Variants in NRXN1 observed in about 807,000 individuals in gnomAD.
The protein encoded by NRXN1 is neurexin 1, also known as neurexin-1.
In NRXN1, 39 loss-of-function variants were observed where a neutral mutation model predicts 150.9. That is an observed-to-expected ratio of 0.26 (90% CI 0.20 to 0.34). The LOEUF is 0.34. NRXN1 is among the 10% of genes least tolerant of loss of function. NRXN1 has a pLI of 1.00. For missense variants in NRXN1, 1,815 were observed against 1,949.9 expected (o/e 0.93, Z 1.30); for synonymous variants, 924 against 757.0 (o/e 1.22, Z -3.62).
At position 50,023,290 on chromosome 2, in the gene NRXN1, C is replaced by A. The variant is rs188399890; in HGVS notation, c.4128+29981G>T. ...TTAAGAATTATTATATCTGAAACTC[C>A]TTTAACCTCCATCACTTCTCTTTTT... On this transcript the variant is annotated intron_variant, in intron 21 of 22. Transcript: ENST00000401669. 310 of 152,268 alleles carry A rather than the reference C, an allele frequency of 2.0e-3. 3 individuals are homozygous for A. Among genetic ancestry groups the A allele is most frequent in the African/African-American group, 7.2e-3 (300 of 41,556 alleles). 9.4% of individuals were successfully genotyped at this position (152,268 alleles called of 1,614,324 possible). A position where few individuals can be genotyped will look rare whatever the true frequency, so the allele number is the denominator to read the frequency against.
At position 50,372,980 on chromosome 2, in the gene NRXN1, T is replaced by A. The variant is rs1355043115; in HGVS notation, c.3364+92462A>T. Reference sequence around the variant, plus strand: ...TTTTAGTCTCCAAGAACCCCTCTTTTTAATGACATCCATTAGCACTCCACA... The same window carrying A: ...TTTTAGTCTCCAAGAACCCCTCTTTATAATGACATCCATTAGCACTCCACA... On this transcript the variant is annotated intron_variant, in intron 17 of 22. Coordinates refer to ENST00000401669, the MANE Select transcript of NRXN1 (RefSeq NM_001330078.2). Among the ~76,000 whole-genome samples the A allele has an allele frequency of 2.0e-5, 3 of 152,086 alleles. No homozygotes were observed. The East Asian group carries it at 5.8e-4, about 29-fold the overall frequency.
chr2:50,538,446 A>G lies in NRXN1; in HGVS notation c.1950T>C (p.Asp650=), dbSNP rs1371366756. The part of the protein sequence containing the change: ...YVGCIRDLFI[D]GQSKDIRQMA... ...TTTGCCGGATATCTTTGCTTTGGCC[A>G]TCGATGAACAAATCCCTGATGCAGC... Residue 650 remains aspartate, a synonymous_variant, in exon 10 of 23, where the codon GAT becomes GAC. Coordinates refer to ENST00000401669, the MANE Select transcript of NRXN1 (RefSeq NM_001330078.2). 2 of 1,613,920 alleles carry G rather than the reference A, an allele frequency of 1.2e-6. No individual in the cohort carries two copies. The highest frequency in any genetic ancestry group is 1.7e-6 in the Non-Finnish European group (2 of 1,179,860).
intron 21 of NRXN1, among the ~76,000 whole-genome samples, chr2:49,998,791 A>G (rs982001937): frequency 6.6e-6 from 1 of 152,052 alleles, no homozygotes; most frequent in Non-Finnish European, 1.5e-5. Context: ...TACACGAAGT[A>G]GTGTAGGTGC....
intron 18 of NRXN1, among the ~76,000 whole-genome samples, chr2:50,117,666 T>C (rs779989070): frequency 8.5e-5 from 13 of 152,092 alleles, no homozygotes; most frequent in African/African-American, 2.4e-4. Flanking sequence ...CTTTAGATAG[T>C]ATTTTAAGCA....
At chr2:50,425,984 G>A (rs1431502330) in intron 17 of NRXN1, among the ~76,000 whole-genome samples, 2 of 152,180 alleles carry the variant, frequency 1.3e-5, no homozygotes, top group East Asian at 1.9e-4. Flanking sequence ...ACCTCTGTGT[G>A]CATCTATCAG....
intron 17 of NRXN1, among the ~76,000 whole-genome samples, chr2:50,422,322 A>G (rs923338834): frequency 3.3e-5 from 5 of 152,194 alleles, no homozygotes; most frequent in Non-Finnish European, 7.3e-5. Flanking sequence ...TATAGCCTAG[A>G]GTAAAAACAA....
At chr2:50,308,758 T>C (rs1461517580) in intron 17 of NRXN1, among the ~76,000 whole-genome samples, 1 of 152,180 alleles carries the variant, frequency 6.6e-6, no homozygotes, top group Non-Finnish European at 1.5e-5. Flanking sequence ...AGACATTCAT[T>C]TTCATTGACA....
intron 21 of NRXN1, among the ~76,000 whole-genome samples, chr2:49,971,552 G>C (rs1677965038): frequency 6.6e-6 from 1 of 152,058 alleles, no homozygotes; most frequent in Admixed American, 6.6e-5. Context: ...ATTGTGCAAA[G>C]TCAATGAAAA....
chr2:50,570,442 C>G (rs992968660), intron 8 of NRXN1, among the ~76,000 whole-genome samples: 2 of 152,098 alleles, frequency 1.3e-5, no homozygotes, highest in African/African-American at 4.8e-5. Flanking sequence ...TATCGTAAAT[C>G]CAATAATCTG....
At chr2:50,739,213 A>G (rs996873201) in intron 5 of NRXN1, 1 of 489,312 alleles carries the variant, frequency 2.0e-6, no homozygotes, top group African/African-American at 2.0e-5. Context: ...TACAGTAGAA[A>G]TCGACCAAGG....
intron 17 of NRXN1, among the ~76,000 whole-genome samples, chr2:50,446,097 C>T (rs1280770528): frequency 6.6e-6 from 1 of 150,486 alleles, no homozygotes; most frequent in African/African-American, 2.4e-5. Context: ...CACTAAAGCA[C>T]ATAAGGTAAC....
intron 17 of NRXN1, among the ~76,000 whole-genome samples, chr2:50,277,670 T>C (rs2070741250): frequency 6.6e-6 from 1 of 152,074 alleles, no homozygotes. Flanking sequence ...GAAAAATATT[T>C]TCATGTCAGT....
At chr2:50,800,724 A>C (rs758407696) in intron 5 of NRXN1, among the ~76,000 whole-genome samples, 1 of 152,128 alleles carries the variant, frequency 6.6e-6, no homozygotes, top group South Asian at 2.1e-4. Context: ...TAATTTTTGC[A>C]TTTTTAGTAG....
At position 50,652,751 on chromosome 2, in the gene NRXN1, T is replaced by C. The variant is rs1270959555; in HGVS notation, c.833-29136A>G. Among the ~76,000 whole-genome samples the C allele has an allele frequency of 2.0e-5, 3 of 152,040 alleles. No individual in the cohort carries two copies. The East Asian group carries it at 5.8e-4, about 29-fold the overall frequency. On this transcript the variant is annotated intron_variant, in intron 5 of 22. Coordinates refer to ENST00000401669, the MANE Select transcript of NRXN1 (RefSeq NM_001330078.2). The stretch of plus-strand genomic sequence containing the variant: ...GCTGAGTCATATGATAAATCTATGC[T>C]TAACAGTTTAAGAAACTGCCAAAAG...
intron 18 of NRXN1, among the ~76,000 whole-genome samples, chr2:50,192,872 G>T (rs2061535648): frequency 6.6e-6 from 1 of 152,162 alleles, no homozygotes; most frequent in South Asian, 2.1e-4. Flanking sequence ...GGCAGGCTGG[G>T]ATTAGAGGTG....
At chr2:50,567,493 C>A (rs1156891239) in intron 8 of NRXN1, among the ~76,000 whole-genome samples, 1 of 152,020 alleles carries the variant, frequency 6.6e-6, no homozygotes, top group Non-Finnish European at 1.5e-5. Context: ...CATATCACGA[C>A]AAATATTTCA....
intron 17 of NRXN1, among the ~76,000 whole-genome samples, chr2:50,329,618 T>C (rs1290487169): frequency 1.2e-3 from 6 of 4,960 alleles, no homozygotes; most frequent in Admixed American, 9.5e-3. Context: ...TGTGTGTGTG[T>C]ATATATATAT....
In NRXN1 at chr2:50,347,599, G is replaced by A; in HGVS notation, c.3365-110629C>T. 2.0e-6 allele frequency: 2 copies of A among 1,012,014 alleles called. No homozygotes were observed. The highest frequency in any genetic ancestry group is 2.4e-6 in the Non-Finnish European group (2 of 846,094). The allele number at this position is 1,012,014 out of a possible 1,614,324, so 62.7% of individuals were successfully genotyped here. On this transcript the variant is annotated intron_variant, in intron 17 of 22. Coordinates refer to ENST00000401669, the MANE Select transcript of NRXN1 (RefSeq NM_001330078.2). This position sits in a 1 kb window ranked among gnomAD's most constrained non-coding sequence, Gnocchi z 4.9. ...TGCTCCCGAGGCAATCTCCGCGTCC[G>A]CCGCCTCCTGACACTTACGCCCGGC... is the stretch of plus-strand genomic sequence containing the variant.
chr2:50,495,485 TGGTCAG>T (rs2091542993), intron 15 of NRXN1, among the ~76,000 whole-genome samples: 1 of 151,388 alleles, frequency 6.6e-6, no homozygotes, highest in Admixed American at 6.6e-5. Flanking sequence ...AAACTCCTGT[TGGTCAG>T]GGACTTAGGA....
Sources: gnomAD v4.1 joint callset for allele counts (sites outside exome capture counted in the v4.1 genomes callset) on GRCh38, gnomAD v4.1.1 for gene constraint, Gnocchi (gnomAD v3.1) non-coding constraint, MANE v1.5 for transcripts, NCBI Gene and HGNC (gene_info 2026-07-23, HGNC 2026-07-21) for gene names.